WWC1: variants seen among roughly 807,000 people sequenced by gnomAD.
The protein encoded by WWC1 is protein KIBRA.
Under a neutral mutation model 138.4 loss-of-function variants are expected in WWC1, and 55 were observed. That is an observed-to-expected ratio of 0.40 (90% CI 0.32 to 0.50). WWC1 has a LOEUF of 0.50. Among genes scored for constraint, WWC1 ranks in the 20% least tolerant of loss-of-function variants. The probability of loss-of-function intolerance (pLI) is 0.72; values close to 1 mark genes in which losing one functional copy is unlikely to be tolerated. For synonymous variants in WWC1, 524 were observed against 564.9 expected, an observed-to-expected ratio of 0.93 and a Z score of 1.03; for missense variants, 1,226 against 1,420.4, an observed-to-expected ratio of 0.86 and a Z score of 2.20.
At chr5:168,461,382 G>A (rs955110119) in intron 20 of WWC1, among the ~76,000 whole-genome samples, 10 of 152,208 alleles carry the variant, frequency 6.6e-5, no homozygotes, top group Non-Finnish European at 8.8e-5. Context: ...GTTAGAGCGC[G>A]TCATCTGACA....
chr5:168,309,954 C>T (rs577895861), intron 1 of WWC1, among the ~76,000 whole-genome samples: 106 of 152,314 alleles, frequency 7.0e-4, no homozygotes, highest in African/African-American at 2.4e-3. Flanking sequence ...CAAACAACTT[C>T]GCCTCTTGCC....
chr5:168,399,169 A>G (rs1396485695), intron 4 of WWC1, among the ~76,000 whole-genome samples: 1 of 152,150 alleles, frequency 6.6e-6, no homozygotes, highest in Non-Finnish European at 1.5e-5. Flanking sequence ...ACAGCTTGAG[A>G]GAGTTCACAC....
At chr5:168,459,313 G>A (rs902101415) in intron 19 of WWC1, among the ~76,000 whole-genome samples, 1 of 150,504 alleles carries the variant, frequency 6.6e-6, no homozygotes, top group African/African-American at 2.4e-5. Flanking sequence ...GGTACCACAT[G>A]CAACCAGTTT....
At chr5:168,463,454 T>G (rs967383284) in intron 20 of WWC1, among the ~76,000 whole-genome samples, 4 of 152,270 alleles carry the variant, frequency 2.6e-5, no homozygotes, top group African/African-American at 9.6e-5. Flanking sequence ...TATTTACTTC[T>G]TTAAGGCCAG....
chr5:168,309,826 AC>A (rs1193534809), intron 1 of WWC1, among the ~76,000 whole-genome samples: 14 of 151,352 alleles, frequency 9.2e-5, no homozygotes, highest in South Asian at 2.1e-4. Flanking sequence ...GCCCTCAACC[AC>A]CTCCTCTGCC....
At chr5:168,455,646 T>C in intron 19 of WWC1, 126 bp downstream of exon 19, 1 of 1,207,726 alleles carries the variant, frequency 8.3e-7, no homozygotes, top group Middle Eastern at 2.1e-4. Flanking sequence ...CCTCAGAGCC[T>C]CAGTTTCCTC....
chr5:168,412,209 G>T (rs1780279645), intron 8 of WWC1: 1 of 985,082 alleles, frequency 1.0e-6, no homozygotes, highest in African/African-American at 1.7e-5. Flanking sequence ...GAGCTTCCTA[G>T]CTCATCTGAC....
chr5:168,394,483 TG>T (rs147895996), intron 3 of WWC1, among the ~76,000 whole-genome samples: 3 of 151,814 alleles, frequency 2.0e-5, no homozygotes, highest in Non-Finnish European at 4.4e-5. Context: ...TCCCAGCACT[TG>T]GGGGGCCGAG....
chr5:168,410,387 C>G, intron 8 of WWC1, among the ~76,000 whole-genome samples: 1 of 152,240 alleles, frequency 6.6e-6, no homozygotes, highest in East Asian at 1.9e-4. Flanking sequence ...TTCAGTGTCT[C>G]CTGCACAGCT....
intron 1 of WWC1, among the ~76,000 whole-genome samples, chr5:168,341,313 G>A (rs1157290452): frequency 6.6e-6 from 1 of 152,148 alleles, no homozygotes; most frequent in African/African-American, 2.4e-5. Context: ...CAGAGATGGA[G>A]GAAAGCAGCA....
At chr5:168,300,198 A>T (rs1213246242) in intron 1 of WWC1, among the ~76,000 whole-genome samples, 1 of 152,242 alleles carries the variant, frequency 6.6e-6, no homozygotes, top group African/African-American at 2.4e-5. Flanking sequence ...ATAAAGAAAG[A>T]GAAAACTAAG....
At chr5:168,312,893 C>T (rs1197411331) in intron 1 of WWC1, among the ~76,000 whole-genome samples, 2 of 151,112 alleles carry the variant, frequency 1.3e-5, no homozygotes, top group Non-Finnish European at 2.9e-5. Context: ...TCTGCAACCT[C>T]CATCTCCCAG....
chr5:168,357,524 G>GC (rs1775552080), intron 1 of WWC1, among the ~76,000 whole-genome samples: 1 of 150,704 alleles, frequency 6.6e-6, no homozygotes, highest in Non-Finnish European at 1.5e-5. Context: ...GTGCGTGCAT[G>GC]CCAGGGTATT....
intron 15 of WWC1, 74 bp from the exon 16 acceptor site, chr5:168,441,608 C>T: frequency 6.4e-7 from 1 of 1,554,064 alleles, no homozygotes; most frequent in Non-Finnish European, 8.8e-7. Context: ...ATACTGTCCT[C>T]TTGAACCAAA....
intron 2 of WWC1, among the ~76,000 whole-genome samples, chr5:168,376,453 T>C (rs890267685): frequency 6.6e-6 from 1 of 152,134 alleles, no homozygotes; most frequent in African/African-American, 2.4e-5. Context: ...GAGAAAGAAA[T>C]AGAAGATACC....
Position 168,464,617 on chromosome 5 carries a change from T to C in WWC1, c.2917-112T>C, listed in dbSNP as rs539052581. On this transcript the variant is annotated intron_variant, in intron 20 of 22. Coordinates refer to ENST00000265293, the MANE Select transcript of WWC1 (RefSeq NM_015238.3). Reference sequence around the variant, plus strand: ...CTTCCCAGGGAAGGGCAAGCCCCATTCGGAAGGAGTGGATGCCTACAAGAG... The same window carrying C: ...CTTCCCAGGGAAGGGCAAGCCCCATCCGGAAGGAGTGGATGCCTACAAGAG... 119 of 1,479,984 alleles carry C rather than the reference T, an allele frequency of 8.0e-5. 2 individuals are homozygous for C. The South Asian group carries it at 1.7e-3, about 21-fold the overall frequency. The allele number at this position is 1,479,984 out of a possible 1,614,324, so 91.7% of individuals were successfully genotyped here.
intron 1 of WWC1, among the ~76,000 whole-genome samples, chr5:168,348,260 A>T (rs192419688): frequency 6.6e-6 from 1 of 152,302 alleles, no homozygotes; most frequent in East Asian, 1.9e-4. Flanking sequence ...ATGTGTGTGC[A>T]CGGGTGTGTG....
chr5:168,455,010 G>A (rs1406053644), intron 18 of WWC1, among the ~76,000 whole-genome samples: 1 of 152,208 alleles, frequency 6.6e-6, no homozygotes. Context: ...AATGTACTTG[G>A]TTTGTAAGTT....
intron 5 of WWC1, among the ~76,000 whole-genome samples, chr5:168,405,658 T>G (rs1160760761): frequency 1.3e-5 from 2 of 151,936 alleles, no homozygotes; most frequent in Non-Finnish European, 2.9e-5. Context: ...GCAGTGTTGC[T>G]TCTGCAGCCA....
Sources: allele counts gnomAD v4.1 joint callset (sites outside exome capture counted in the v4.1 genomes callset), GRCh38; gene constraint gnomAD v4.1.1; transcripts MANE v1.5; gene names NCBI Gene and HGNC (gene_info 2026-07-23, HGNC 2026-07-21).